Variants in SHB observed in about 807,000 individuals in gnomAD.
SHB encodes the protein SH2 domain containing adaptor protein B.
A neutral mutation model predicts 52.3 loss-of-function variants in SHB; 20 were observed. The observed-to-expected ratio is 0.38, with a 90% CI of 0.27 to 0.56. SHB has a LOEUF of 0.56. Among genes scored for constraint, SHB ranks in the 20% least tolerant of loss-of-function variants. The pLI is 0.71. For synonymous variants in SHB, 397 were observed against 316.5 expected (o/e 1.25, Z -2.70); for missense variants, 825 against 723.3 (o/e 1.14, Z -1.61).
At chr9:37,995,955 C>A (rs541181359) in intron 2 of SHB, among the ~76,000 whole-genome samples, 1 of 152,292 alleles carries the variant, frequency 6.6e-6, no homozygotes, top group East Asian at 1.9e-4. Context: ...TACAATAGGT[C>A]AAATCATTGT....
chr9:37,923,275 T>A (rs537586439), intron 5 of SHB, among the ~76,000 whole-genome samples: 1 of 152,322 alleles, frequency 6.6e-6, no homozygotes, highest in South Asian at 2.1e-4. Flanking sequence ...TCCACGCTGA[T>A]CTTCCGCCTC....
chr9:37,935,369 G>A (rs973322131), intron 5 of SHB, among the ~76,000 whole-genome samples: 14 of 152,180 alleles, frequency 9.2e-5, no homozygotes, highest in Non-Finnish European at 1.9e-4. Flanking sequence ...GTTCGGCCTC[G>A]GTGGGGCATA....
chr9:37,986,157 T>A (rs1381543217), intron 2 of SHB, among the ~76,000 whole-genome samples: 1 of 152,076 alleles, frequency 6.6e-6, no homozygotes, highest in Non-Finnish European at 1.5e-5. Context: ...GGAGACACCT[T>A]GAGGGCCAGG....
chr9:38,061,627 G>C (rs1821893678), intron 1 of SHB, among the ~76,000 whole-genome samples: 2 of 152,242 alleles, frequency 1.3e-5, no homozygotes, highest in South Asian at 4.1e-4. Context: ...TTATGGGTCA[G>C]AAATGCTCTG....
intron 1 of SHB, among the ~76,000 whole-genome samples, chr9:38,023,601 C>T (rs995536717): frequency 7.9e-5 from 12 of 152,342 alleles, no homozygotes; most frequent in African/African-American, 2.9e-4. Flanking sequence ...TACAATTATG[C>T]ATGACAACAG....
intron 1 of SHB, among the ~76,000 whole-genome samples, chr9:38,040,528 C>T (rs1426181852): frequency 6.6e-6 from 1 of 152,216 alleles, no homozygotes; most frequent in Non-Finnish European, 1.5e-5. Context: ...CCCCTGTCCC[C>T]AGCCACTGCA....
chr9:38,044,566 GC>G (rs1485034693), intron 1 of SHB, among the ~76,000 whole-genome samples: 1 of 152,172 alleles, frequency 6.6e-6, no homozygotes, highest in Non-Finnish European at 1.5e-5. Context: ...ACTCCCACCT[GC>G]CACTGAGGAG....
chr9:38,016,505 T>C (rs560025696), intron 1 of SHB, among the ~76,000 whole-genome samples: 2 of 152,242 alleles, frequency 1.3e-5, no homozygotes, highest in Admixed American at 6.5e-5. Context: ...GGAGGAAAAG[T>C]TGGAAACGAG....
chr9:37,929,197 G>C (rs562424865), intron 5 of SHB, among the ~76,000 whole-genome samples: 1 of 152,194 alleles, frequency 6.6e-6, no homozygotes, highest in Non-Finnish European at 1.5e-5. Context: ...CACCCACAAG[G>C]GTAGTCTGAG....
At chr9:37,948,888 C>T in intron 4 of SHB, 134 bp from the exon 5 acceptor site, 1 of 1,157,096 alleles carries the variant, frequency 8.6e-7, no homozygotes, top group Non-Finnish European at 1.2e-6. Context: ...TCCATGGGTA[C>T]CCACTGCCCG....
intron 2 of SHB, among the ~76,000 whole-genome samples, chr9:37,980,502 T>C (rs191448810): frequency 8.5e-5 from 13 of 152,326 alleles, no homozygotes; most frequent in Non-Finnish European, 1.8e-4. Flanking sequence ...TGCAGTTACT[T>C]CCTCCACTGA....
At chr9:38,040,606 G>A (rs1292619805) in intron 1 of SHB, among the ~76,000 whole-genome samples, 1 of 152,196 alleles carries the variant, frequency 6.6e-6, no homozygotes, top group Non-Finnish European at 1.5e-5. Flanking sequence ...GAGTGGCTGG[G>A]AGGGCTTCCT....
chr9:37,954,799 G>A (rs1832609324), intron 4 of SHB, among the ~76,000 whole-genome samples: 1 of 152,172 alleles, frequency 6.6e-6, no homozygotes, highest in Non-Finnish European at 1.5e-5. Flanking sequence ...ACTTTATCCT[G>A]GAGGTAATGT....
chr9:38,067,471 C>G (rs1821985513), intron 1 of SHB, among the ~76,000 whole-genome samples: 1 of 152,084 alleles, frequency 6.6e-6, no homozygotes, highest in Non-Finnish European at 1.5e-5. Flanking sequence ...ACAGCCGGTC[C>G]GGATCTGCCA....
At chr9:37,945,917 G>A (rs1832485678) in intron 5 of SHB, among the ~76,000 whole-genome samples, 3 of 152,188 alleles carry the variant, frequency 2.0e-5, no homozygotes, top group Non-Finnish European at 4.4e-5. Context: ...AGCAGCGAGT[G>A]GCAGGACAGG....
chr9:38,046,657 C>A (rs1394920179), intron 1 of SHB, among the ~76,000 whole-genome samples: 5 of 152,192 alleles, frequency 3.3e-5, no homozygotes. Context: ...ACAAACTTGC[C>A]AGGGGCAGGA....
rs538867094 is a variant in SHB at position 38,028,308 on chromosome 9, C to G, written c.718-12177G>C. Reference sequence around the variant, plus strand: ...CCAGAGCTGTTGTGCCAATAATGGACGGGCTCATGCACCCTGTGATACCTA... The same window carrying G: ...CCAGAGCTGTTGTGCCAATAATGGAGGGGCTCATGCACCCTGTGATACCTA... On this transcript the variant is annotated intron_variant, in intron 1 of 5. Coordinates refer to ENST00000377707, the MANE Select transcript of SHB (RefSeq NM_003028.3). Among the ~76,000 whole-genome samples the G allele has an allele frequency of 7.9e-5, 12 of 152,334 alleles. No individual in the cohort carries two copies. The South Asian group carries it at 2.5e-3, about 32-fold the overall frequency.
At chr9:38,012,247 G>A (rs571951757) in intron 2 of SHB, among the ~76,000 whole-genome samples, 98 of 152,298 alleles carry the variant, frequency 6.4e-4, no homozygotes, top group African/African-American at 2.2e-3. Context: ...CCAAACTACA[G>A]TGCACCAAGG....
chr9:37,930,334 C>G (rs1397547058), intron 5 of SHB, among the ~76,000 whole-genome samples: 2 of 152,156 alleles, frequency 1.3e-5, no homozygotes, highest in African/African-American at 4.8e-5. Flanking sequence ...CTGCCCCATG[C>G]CTCTATTGCG....
Sources: gnomAD v4.1 joint callset for allele counts (sites outside exome capture counted in the v4.1 genomes callset) on GRCh38, gnomAD v4.1.1 for gene constraint, MANE v1.5 for transcripts, NCBI Gene and HGNC (gene_info 2026-07-23, HGNC 2026-07-21) for gene names.